The following DHX40 variants were observed in gnomAD, a reference collection of about 807,000 sequenced individuals.
The protein encoded by DHX40 is probable ATP-dependent RNA helicase DHX40.
In DHX40, 28 loss-of-function variants were observed where a neutral mutation model predicts 89.6. The observed-to-expected ratio is 0.31, with a 90% CI of 0.23 to 0.43. The LOEUF (loss-of-function observed/expected upper bound fraction) is 0.43. Ranked by LOEUF, DHX40 falls within the 20% of genes least tolerant of loss-of-function variation. The pLI is 1.00. For missense variants in DHX40, 457 were observed against 844.0 expected (o/e 0.54, Z 5.68); for synonymous variants, 226 against 283.6 (o/e 0.80, Z 2.04).
At chr17:59,586,265 A>G in intron 11 of DHX40, 32 bp downstream of exon 11, 2 of 1,435,926 alleles carry the variant, frequency 1.4e-6, no homozygotes, top group Non-Finnish European at 1.9e-6. Flanking sequence ...CACAATCAAA[A>G]CAGATATTGA....
chr17:59,603,067 A>G (rs1471282433), intron 15 of DHX40, among the ~76,000 whole-genome samples: 1 of 152,172 alleles, frequency 6.6e-6, no homozygotes, highest in African/African-American at 2.4e-5. Flanking sequence ...AAGGGGTAAC[A>G]GTGATGGTGA....
In DHX40 at chr17:59,573,247, AATTT is replaced by A. The variant is rs1413749370; in HGVS notation, c.546+16_546+19del. The A allele has an allele frequency of 6.3e-7, 1 of 1,582,796 alleles. No homozygotes were observed. The highest frequency in any genetic ancestry group is 2.3e-5 in the East Asian group (1 of 44,238). ...GAACTCTAACTACAGTGAGTATTTT[AATTT>A]ATTATTATTTTTTTATTAGCAAGTA... On this transcript the variant is annotated intron_variant, in intron 4 of 17. Coordinates refer to ENST00000251241, the MANE Select transcript of DHX40 (RefSeq NM_024612.5).
intron 2 of DHX40, among the ~76,000 whole-genome samples, chr17:59,567,633 T>C (rs561397869): frequency 6.6e-6 from 1 of 152,260 alleles, no homozygotes; most frequent in South Asian, 2.1e-4. Context: ...CAAAAGCCAA[T>C]TAAAAAGTTT....
In DHX40 at chr17:59,607,182, C is replaced by T. The variant is rs1421186367; in HGVS notation, c.*10C>T. 2 of 1,614,122 alleles carry T rather than the reference C, an allele frequency of 1.2e-6. No homozygotes were observed. Among genetic ancestry groups the T allele is most frequent in the Non-Finnish European group, 8.5e-7 (1 of 1,180,036 alleles). Reference sequence around the variant, plus strand: ...AAAGGAAACAGGCTAAGGTGGTGAACCCTCCAATTCAGGAAGTGGGAAAAG... The same window carrying T: ...AAAGGAAACAGGCTAAGGTGGTGAATCCTCCAATTCAGGAAGTGGGAAAAG... On this transcript the variant is annotated 3_prime_UTR_variant, in exon 18 of 18. Transcript: ENST00000251241.
intron 12 of DHX40, among the ~76,000 whole-genome samples, chr17:59,594,670 T>A (rs1424168453): frequency 6.6e-6 from 1 of 151,594 alleles, no homozygotes; most frequent in Non-Finnish European, 1.5e-5. Flanking sequence ...GCTGAACCCA[T>A]TGGAACAACT....
At chr17:59,605,307 A>G (rs1567903796) in intron 16 of DHX40, 123 bp downstream of exon 16, 13 of 1,248,128 alleles carry the variant, frequency 1.0e-5, no homozygotes, top group South Asian at 2.6e-5. Flanking sequence ...ACATAGATCT[A>G]TAAGGGTATT....
rs1598143352 is a variant in DHX40 at position 59,573,964 on chromosome 17, A to G, written c.771A>G (p.Gln257=). 6.8e-7 allele frequency: 1 copy of G among 1,469,860 alleles called. No homozygotes were observed. 91.1% of individuals were successfully genotyped at this position (1,469,860 alleles called of 1,614,324 possible). ...ACAGAGAAAATACTGCGTATATTCA[A>G]GCGGTATTACTTGGCATTCATTTAA... ...PRDRENTAYI[Q]AIVKVTMDIH... is the part of the protein sequence containing the mutation. Residue 257 remains glutamine (Q), a synonymous_variant, in exon 5 of 18, where the codon CAA becomes CAG. Transcript: ENST00000251241.
intron 8 of DHX40, among the ~76,000 whole-genome samples, chr17:59,578,128 TG>T (rs1274509855): frequency 1.3e-5 from 2 of 151,724 alleles, no homozygotes; most frequent in Non-Finnish European, 2.9e-5. Context: ...TCTTTAAGAC[TG>T]GGTTATTTAT....
In DHX40 at chr17:59,599,101, G is replaced by A. The variant is rs190267623; in HGVS notation, c.1697+250G>A. 2.0e-3 allele frequency among the ~76,000 whole-genome samples: 309 copies of A among 152,054 alleles called. 2 individuals carry two copies. The highest frequency in any genetic ancestry group is 7.1e-3 in the African/African-American group (294 of 41,462). On this transcript the variant is annotated intron_variant, in intron 13 of 17. Coordinates refer to ENST00000251241, the MANE Select transcript of DHX40 (RefSeq NM_024612.5). Reference sequence around the variant, plus strand: ...CCTTATAGAATTTTGCTTCTATATAGGTAGCCTAGATTAAAAAATGATTGG... The same window carrying A: ...CCTTATAGAATTTTGCTTCTATATAAGTAGCCTAGATTAAAAAATGATTGG...
intron 12 of DHX40, among the ~76,000 whole-genome samples, chr17:59,590,823 T>G (rs1388730288): frequency 6.6e-6 from 1 of 151,650 alleles, no homozygotes; most frequent in African/African-American, 2.4e-5. Context: ...TAATTGCAAT[T>G]TTTTGTTCTA....
At chr17:59,604,881 C>T in intron 15 of DHX40, 1 of 467,802 alleles carries the variant, frequency 2.1e-6, no homozygotes, top group South Asian at 3.4e-5. Flanking sequence ...TGTACTGATT[C>T]CTTATACCTA....
At position 59,565,618 on chromosome 17, in the gene DHX40, C is replaced by T. The variant is rs377055941; in HGVS notation, c.-54C>T. 1.3e-6 allele frequency: 2 copies of T among 1,513,626 alleles called. No homozygotes were observed. The highest frequency in any genetic ancestry group is 8.9e-7 in the Non-Finnish European group (1 of 1,119,246). The allele number at this position is 1,513,626 out of a possible 1,614,324, so 93.8% of individuals were successfully genotyped here. A position where few individuals can be genotyped will look rare whatever the true frequency, so the allele number is the denominator to read the frequency against. ...CATCAGGGCGCGTCCTCGTCTTTCC[C>T]CTCCCATCTCCTCAGATCGGTGGAC... On this transcript the variant is annotated 5_prime_UTR_variant, in exon 1 of 18. Coordinates refer to ENST00000251241, the MANE Select transcript of DHX40 (RefSeq NM_024612.5).
At chr17:59,596,111 A>G (rs2030041783) in intron 12 of DHX40, among the ~76,000 whole-genome samples, 2 of 152,064 alleles carry the variant, frequency 1.3e-5, no homozygotes, top group Non-Finnish European at 2.9e-5. Context: ...TGGTGCCATG[A>G]TTCTAGGGAT....
intron 15 of DHX40, chr17:59,604,486 C>T (rs1337286392): frequency 1.3e-5 from 2 of 152,212 alleles, no homozygotes; most frequent in Non-Finnish European, 2.9e-5. Flanking sequence ...AATTACAGTG[C>T]AGTCTGATCT....
rs2049022219 is a variant in DHX40, at chr17:59,587,932, G to A, written c.1461G>A (p.Val487=). The stretch of plus-strand genomic sequence containing the variant: ...TCACCAGATTGGGTTTGTCTATGGT[G>A]GAGTTTCCTTTGCCTCCACATCTGA... ...GHVTRLGLSM[V]EFPLPPHLTC... is the part of the protein sequence containing the mutation. The change falls in exon 12 of 18, where the codon GTG becomes GTA. Residue 487 remains valine, a synonymous_variant. Transcript: ENST00000251241. 2 of 1,613,474 alleles carry A rather than the reference G, an allele frequency of 1.2e-6. No homozygotes were observed. The highest frequency in any genetic ancestry group is 1.7e-5 in the Admixed American group (1 of 59,954).
At chr17:59,570,685 T>A in intron 3 of DHX40, 22 bp downstream of exon 3, 1 of 1,593,272 alleles carries the variant, frequency 6.3e-7, no homozygotes, top group Non-Finnish European at 8.6e-7. Flanking sequence ...TTGTTGGTAT[T>A]TGTTTCTTTT....
chr17:59,568,261 G>C (rs1175759653), intron 2 of DHX40, among the ~76,000 whole-genome samples: 14 of 152,118 alleles, frequency 9.2e-5, no homozygotes, highest in Admixed American at 9.2e-4. Context: ...TAAATTTGTT[G>C]TAATTTTGTT....
chr17:59,569,711 C>T (rs996882301), intron 2 of DHX40, among the ~76,000 whole-genome samples: 2 of 140,676 alleles, frequency 1.4e-5, no homozygotes, highest in Non-Finnish European at 3.0e-5. Flanking sequence ...ATATATATAT[C>T]TATATATATA....
intron 12 of DHX40, among the ~76,000 whole-genome samples, chr17:59,597,934 CAAAAAA>C (rs776094146): frequency 3.5e-5 from 2 of 56,812 alleles, no homozygotes; most frequent in Non-Finnish European, 7.4e-5. Flanking sequence ...GACTCCGTCT[CAAAAAA>C]AAAAAAAAAA....
Sources: allele counts gnomAD v4.1 joint callset (sites outside exome capture counted in the v4.1 genomes callset), GRCh38; gene constraint gnomAD v4.1.1; transcripts MANE v1.5; gene names NCBI Gene and HGNC (gene_info 2026-07-23, HGNC 2026-07-21).